MAP4K2: variants seen among roughly 807,000 people sequenced by gnomAD.
MAP4K2 encodes mitogen-activated protein kinase kinase kinase kinase 2.
A neutral mutation model predicts 125.3 loss-of-function variants in MAP4K2; 85 were observed. That is an observed-to-expected ratio of 0.68 (90% CI 0.57 to 0.81). MAP4K2 has a LOEUF of 0.81. MAP4K2 is among the 40% of genes least tolerant of loss of function. The pLI is 0.00. For missense variants in MAP4K2, 923 were observed against 1,056.4 expected (o/e 0.87, Z 1.75); for synonymous variants, 479 against 445.1 (o/e 1.08, Z -0.96).
intron 5 of MAP4K2, 78 bp from the exon 6 acceptor site, chr11:64,801,835 C>T (rs1241527951): frequency 5.4e-6 from 8 of 1,490,516 alleles, no homozygotes; most frequent in Non-Finnish European, 7.4e-6. Flanking sequence ...AGGACTGGGG[C>T]CCCCCACTCA....
intron 24 of MAP4K2, among the ~76,000 whole-genome samples, chr11:64,795,081 ATTTTT>A (rs141351266): frequency 8.2e-6 from 1 of 121,672 alleles, no homozygotes; most frequent in Admixed American, 8.5e-5. Context: ...TAAGTTTTCG[ATTTTT>A]TTTTTTTTTT....
At chr11:64,794,948 A>G (rs1940704533) in intron 24 of MAP4K2, among the ~76,000 whole-genome samples, 1 of 151,984 alleles carries the variant, frequency 6.6e-6, no homozygotes, top group Non-Finnish European at 1.5e-5. Context: ...ATGCAGTGGT[A>G]CGATCGCGAT....
intron 24 of MAP4K2, among the ~76,000 whole-genome samples, chr11:64,793,281 G>A (rs1280081453): frequency 6.6e-6 from 1 of 152,162 alleles, no homozygotes; most frequent in African/African-American, 2.4e-5. Context: ...GGAGGATGCA[G>A]GCTCCAGCCC....
chr11:64,790,294 G>A lies in MAP4K2; in HGVS notation c.2162-20C>T, dbSNP rs374254798. Reference sequence around the variant, plus strand: ...CACAGCCTGCACAGGGAAGGAATTGGTGAGTGGGGACGGGGAGGCTCCCTT... The same window carrying A: ...CACAGCCTGCACAGGGAAGGAATTGATGAGTGGGGACGGGGAGGCTCCCTT... On this transcript the variant is annotated intron_variant, in intron 28 of 31. Transcript: ENST00000294066. The A allele has an allele frequency of 6.2e-7, 1 of 1,613,872 alleles. No individual in the cohort carries two copies. Among genetic ancestry groups the A allele is most frequent in the African/African-American group, 1.3e-5 (1 of 74,930 alleles).
chr11:64,802,947 A>G lies in MAP4K2; in HGVS notation c.97-5T>C. 6.4e-7 allele frequency: 1 copy of G among 1,565,892 alleles called. No homozygotes were observed. The highest frequency in any genetic ancestry group is 8.7e-7 in the Non-Finnish European group (1 of 1,155,282). ...GGACGTGACCGTGTCGCGGGCCTGC[A>G]GGGGCGGAGGGTGAAGCGGGATGGG... On this transcript the variant is annotated splice_region_variant and splice_polypyrimidine_tract_variant and intron_variant, in intron 1 of 31. Transcript: ENST00000294066.
chr11:64,802,343 A>G, intron 4 of MAP4K2, 76 bp downstream of exon 4: 1 of 1,419,986 alleles, frequency 7.0e-7, no homozygotes, highest in Non-Finnish European at 9.6e-7. Context: ...CAGGGCCCAG[A>G]GTCCCCTCTG....
chr11:64,801,291 C>T, intron 7 of MAP4K2, 108 bp from the exon 8 acceptor site: 1 of 1,382,628 alleles, frequency 7.2e-7, no homozygotes, highest in Admixed American at 2.0e-5. Flanking sequence ...GGGCAGGTGG[C>T]CCCGCTTGGT....
At chr11:64,800,544 G>T in intron 10 of MAP4K2, 152 bp from the exon 11 acceptor site, 1 of 1,079,688 alleles carries the variant, frequency 9.3e-7, no homozygotes, top group Non-Finnish European at 1.3e-6. Flanking sequence ...GAGCAACGCT[G>T]CCTTGCGACA....
chr11:64,802,136 G>C lies in MAP4K2; in HGVS notation c.311-15C>G. ...GGGCCCAGTGGCTGAAAGGAAAAGG[G>C]AGAGGCTGGCTTGGGGGCCCGGGGG... On this transcript the variant is annotated splice_polypyrimidine_tract_variant and intron_variant, in intron 4 of 31. Coordinates refer to ENST00000294066, the MANE Select transcript of MAP4K2 (RefSeq NM_004579.5). 1 of 1,612,434 alleles carries C rather than the reference G, an allele frequency of 6.2e-7. No homozygotes were observed. The highest frequency in any genetic ancestry group is 1.7e-5 in the Admixed American group (1 of 59,964).
chr11:64,802,713 C>T, intron 2 of MAP4K2, 60 bp from the exon 3 acceptor site: 1 of 1,547,106 alleles, frequency 6.5e-7, no homozygotes, highest in Non-Finnish European at 8.9e-7. Flanking sequence ...TCAGTGCCCC[C>T]ATCTGCAAAA....
At chr11:64,789,837 A>G in intron 30 of MAP4K2, 52 bp from the exon 31 acceptor site, 1 of 1,613,740 alleles carries the variant, frequency 6.2e-7, no homozygotes, top group Admixed American at 1.7e-5. Context: ...TCCTTTCCAA[A>G]GAGGTAGGGA....
chr11:64,790,000 G>A lies in MAP4K2; in HGVS notation c.2249-41C>T, dbSNP rs757700736. ...CACCATCAGCCCTGCACCCATCTTGGCACCCCCTCAGCCACGCCTGAGCCT... is the reference window on the plus strand; with the variant it reads ...CACCATCAGCCCTGCACCCATCTTGACACCCCCTCAGCCACGCCTGAGCCT... On this transcript the variant is annotated intron_variant, in intron 29 of 31. Transcript: ENST00000294066. The A allele has an allele frequency of 2.5e-6, 4 of 1,607,362 alleles. 1 individual carries two copies. The South Asian group carries it at 4.4e-5, about 18-fold the overall frequency.
Position 64,786,190 on chromosome 11 carries a change from TATCGTACTGTGC to T in MAP4K2, c.*3335_*3346del, listed in dbSNP as rs1940194044. ...TTTGTTTTTGAGCTTTATAATATGC[TATCGTACTGTGC>T]ATAAAGTGCTGTTTTAATTTACCTC... On this transcript the variant is annotated 3_prime_UTR_variant, in exon 32 of 32. Coordinates refer to ENST00000294066, the MANE Select transcript of MAP4K2 (RefSeq NM_004579.5). 1 of 152,228 alleles carries T rather than the reference TATCGTACTGTGC, an allele frequency of 6.6e-6. No homozygotes were observed. The allele number at this position is 152,228 out of a possible 1,614,324, so 9.4% of individuals were successfully genotyped here.
Position 64,801,633 on chromosome 11 carries a change from G to C in MAP4K2, c.415-12C>G. 1 of 1,613,944 alleles carries C rather than the reference G, an allele frequency of 6.2e-7. No individual in the cohort carries two copies. The highest frequency in any genetic ancestry group is 8.5e-7 in the Non-Finnish European group (1 of 1,179,940). On this transcript the variant is annotated splice_polypyrimidine_tract_variant and intron_variant, in intron 6 of 31. Coordinates refer to ENST00000294066, the MANE Select transcript of MAP4K2 (RefSeq NM_004579.5). The stretch of plus-strand genomic sequence containing the variant: ...AGAAGGTTGGCTCCCTGTGGGAATG[G>C]AGGAGAGACAATCCCATCTGGTGCC...
In MAP4K2 at chr11:64,802,904, C is replaced by T. The variant is rs1217193430; in HGVS notation, c.135G>A (p.Lys45=). Reference sequence around the variant, plus strand: ...CCTCACCTGGGTCTAGCTTGACTATCTTCACGGCGGCCAGTTCGGACGTGA... The same window carrying T: ...CCTCACCTGGGTCTAGCTTGACTATTTTCACGGCGGCCAGTTCGGACGTGA... ...DTVTSELAAV[K]IVKLDPGDDI... Residue 45 remains lysine, a synonymous_variant, in exon 2 of 32, where the codon AAG becomes AAA. Coordinates refer to ENST00000294066, the MANE Select transcript of MAP4K2 (RefSeq NM_004579.5). 2.5e-6 allele frequency: 4 copies of T among 1,601,136 alleles called. No individual in the cohort carries two copies. The highest frequency in any genetic ancestry group is 3.4e-5 in the Admixed American group (2 of 59,348).
chr11:64,799,578 C>G (rs1296624803), intron 13 of MAP4K2, 27 bp downstream of exon 13: 8 of 1,540,846 alleles, frequency 5.2e-6, no homozygotes, highest in Non-Finnish European at 7.0e-6. Flanking sequence ...AAAATCTGCA[C>G]ACACACAGCC....
rs1379301711 is a variant in MAP4K2, at chr11:64,786,064, C to CT, written c.*3472dup. 6.6e-6 allele frequency: 1 copy of CT among 152,180 alleles called. No homozygotes were observed. The highest frequency in any genetic ancestry group is 2.4e-5 in the African/African-American group (1 of 41,438). 9.4% of individuals were successfully genotyped at this position (152,180 alleles called of 1,614,324 possible). A position where few individuals can be genotyped will look rare whatever the true frequency, so the allele number is the denominator to read the frequency against. On this transcript the variant is annotated 3_prime_UTR_variant, in exon 32 of 32. Transcript: ENST00000294066. ...TCCTTCCTTATCCCATCCCACACTC[C>CT]TCTCAGGGACGACCATCTCAGATTT...
chr11:64,792,101 G>C lies in MAP4K2; in HGVS notation c.1915-15C>G, dbSNP rs767315115. 4 of 1,579,750 alleles carry C rather than the reference G, an allele frequency of 2.5e-6. No individual in the cohort carries two copies. Among genetic ancestry groups the C allele is most frequent in the Admixed American group, 3.6e-5 (2 of 55,770 alleles). ...CTGGAGAAGTTCTAGGGGGCAGCAG[G>C]GATGCTCAGGTCTCCATTTCTCCCC... On this transcript the variant is annotated splice_polypyrimidine_tract_variant and intron_variant, in intron 26 of 31. Coordinates refer to ENST00000294066, the MANE Select transcript of MAP4K2 (RefSeq NM_004579.5).
chr11:64,802,351 C>T (rs1401277979), intron 4 of MAP4K2, 68 bp downstream of exon 4: 1 of 1,473,972 alleles, frequency 6.8e-7, no homozygotes, highest in South Asian at 1.3e-5. Context: ...AGAGTCCCCT[C>T]TGGTACCCCA....
Sources: gnomAD v4.1 joint callset for allele counts (sites outside exome capture counted in the v4.1 genomes callset) on GRCh38, gnomAD v4.1.1 for gene constraint, MANE v1.5 for transcripts, NCBI Gene and HGNC (gene_info 2026-07-23, HGNC 2026-07-21) for gene names.